Variants in ACOT13 observed in about 807,000 individuals in gnomAD.
The protein encoded by ACOT13 is acyl-CoA thioesterase 13.
Under a neutral mutation model 11.8 loss-of-function variants are expected in ACOT13, and 10 were observed. That is an observed-to-expected ratio of 0.85 (90% CI 0.53 to 1.44). ACOT13 has a LOEUF of 1.44. Ranked by LOEUF, ACOT13 falls within the 40% of genes most tolerant of loss-of-function variation. The probability of loss-of-function intolerance (pLI) is 0.00; values close to 1 mark genes in which losing one functional copy is unlikely to be tolerated. For missense variants in ACOT13, 172 were observed against 174.1 expected (o/e 0.99, Z 0.07); for synonymous variants, 53 against 61.0 (o/e 0.87, Z 0.61).
intron 1 of ACOT13, among the ~76,000 whole-genome samples, chr6:24,679,280 A>T (rs1778508446): frequency 6.6e-6 from 1 of 152,054 alleles, no homozygotes; most frequent in African/African-American, 2.4e-5. Flanking sequence ...TCTGTATTAT[A>T]AAAAACCGAG....
chr6:24,670,312 G>T (rs1778339418), intron 1 of ACOT13, among the ~76,000 whole-genome samples: 1 of 152,192 alleles, frequency 6.6e-6, no homozygotes, highest in African/African-American at 2.4e-5. Context: ...GCTCAGCCAT[G>T]GATTTGTACC....
In ACOT13 at chr6:24,697,866, C is replaced by CT. The variant is rs753401228; in HGVS notation, c.82-9dup. 273 of 1,568,398 alleles carry CT rather than the reference C, an allele frequency of 1.7e-4. 2 individuals are homozygous for CT. In the South Asian group the frequency reaches 1.8e-3, roughly 10 times the overall value. ...TTCTACAGAATTAATGTTCAGGATT[C>CT]TTTTTTTTACACTTAGATTACTCTT... On this transcript the variant is annotated splice_polypyrimidine_tract_variant and intron_variant, in intron 1 of 2. Coordinates refer to ENST00000230048, the MANE Select transcript of ACOT13 (RefSeq NM_018473.4).
At position 24,697,868 on chromosome 6, in the gene ACOT13, T is replaced by C. The variant is rs767492012; in HGVS notation, c.82-15T>C. 2 of 1,578,048 alleles carry C rather than the reference T, an allele frequency of 1.3e-6. No homozygotes were observed. The highest frequency in any genetic ancestry group is 1.7e-6 in the Non-Finnish European group (2 of 1,163,834). On this transcript the variant is annotated splice_polypyrimidine_tract_variant and intron_variant, in intron 1 of 2. Transcript: ENST00000230048. ...CTACAGAATTAATGTTCAGGATTCTTTTTTTTACACTTAGATTACTCTTGT... is the reference window on the plus strand; with the variant it reads ...CTACAGAATTAATGTTCAGGATTCTCTTTTTTACACTTAGATTACTCTTGT...
chr6:24,696,361 C>T (rs1187952694), intron 1 of ACOT13, among the ~76,000 whole-genome samples: 1 of 152,164 alleles, frequency 6.6e-6, no homozygotes, highest in East Asian at 1.9e-4. Context: ...CAGTTTCCAT[C>T]ACATCTTGGG....
intron 1 of ACOT13, chr6:24,687,504 G>C: frequency 1.5e-6 from 2 of 1,374,382 alleles, no homozygotes; most frequent in Non-Finnish European, 1.9e-6. Context: ...AAATAAGGAA[G>C]TGGAATTCCA....
intron 1 of ACOT13, among the ~76,000 whole-genome samples, chr6:24,680,501 C>T (rs1330438948): frequency 1.3e-5 from 2 of 152,046 alleles, no homozygotes; most frequent in African/African-American, 4.8e-5. Flanking sequence ...CCTCTAAGGG[C>T]CTAATGCTTA....
rs139151230 is a variant in ACOT13, at chr6:24,683,014, C to T, written c.82-14869C>T. 1.6e-4 allele frequency among the ~76,000 whole-genome samples: 25 copies of T among 152,240 alleles called. No individual in the cohort carries two copies. The South Asian group carries it at 1.9e-3, about 11-fold the overall frequency. On this transcript the variant is annotated intron_variant, in intron 1 of 2. Transcript: ENST00000230048. ...TGGGTGTGAGCTAAGTTGCAAGCCC[C>T]GTGTTTAAAGGTGGATGCGGTCACC... is the stretch of plus-strand genomic sequence containing the variant.
In ACOT13 at chr6:24,704,940, A is replaced by C. The variant is rs1357492935; in HGVS notation, c.*3325A>C. ...CTTTTTCTTTTTTTCTTTTTTTTTC[A>C]AATTCCAACCAGAAGCTAAATACAA... is the stretch of plus-strand genomic sequence containing the variant. On this transcript the variant is annotated 3_prime_UTR_variant, in exon 3 of 3. Transcript: ENST00000230048. The C allele has an allele frequency of 6.6e-6, 1 of 150,888 alleles. No individual in the cohort carries two copies. Among genetic ancestry groups the C allele is most frequent in the African/African-American group, 2.4e-5 (1 of 40,996 alleles). 9.3% of individuals were successfully genotyped at this position (150,888 alleles called of 1,614,324 possible). A position where few individuals can be genotyped will look rare whatever the true frequency, so the allele number is the denominator to read the frequency against.
chr6:24,669,301 G>A (rs1486647825), intron 1 of ACOT13, among the ~76,000 whole-genome samples: 6 of 152,144 alleles, frequency 3.9e-5, no homozygotes, highest in African/African-American at 1.2e-4. Flanking sequence ...CGGAAAGGCG[G>A]GACAACTTGA....
At chr6:24,675,022 G>A (rs1778428439) in intron 1 of ACOT13, among the ~76,000 whole-genome samples, 1 of 151,894 alleles carries the variant, frequency 6.6e-6, no homozygotes, top group African/African-American at 2.4e-5. Context: ...GAGAATGATG[G>A]TTTCCAGCTT....
intron 1 of ACOT13, among the ~76,000 whole-genome samples, chr6:24,687,869 G>A (rs1389304415): frequency 1.3e-5 from 2 of 151,812 alleles, no homozygotes; most frequent in Non-Finnish European, 2.9e-5. Flanking sequence ...GCGCCACCAT[G>A]CCTGGCTAAT....
chr6:24,679,347 G>GT (rs1288223875), intron 1 of ACOT13, among the ~76,000 whole-genome samples: 2 of 152,130 alleles, frequency 1.3e-5, no homozygotes, highest in East Asian at 1.9e-4. Flanking sequence ...GACTTTTGAA[G>GT]TTTTTTTCTA....
At chr6:24,667,774 GAGA>G (rs1349601446) in intron 1 of ACOT13, among the ~76,000 whole-genome samples, 4 of 152,332 alleles carry the variant, frequency 2.6e-5, no homozygotes, top group Non-Finnish European at 4.4e-5. Context: ...TGAACGAAGG[GAGA>G]AGTTGTTCCT....
intron 2 of ACOT13, 31 bp from the exon 3 acceptor site, chr6:24,701,428 C>A: frequency 6.4e-7 from 1 of 1,569,856 alleles, no homozygotes; most frequent in South Asian, 1.2e-5. Context: ...GAAAAATTAT[C>A]TGCTGTTAAC....
At chr6:24,694,952 G>A (rs1314790528) in intron 1 of ACOT13, among the ~76,000 whole-genome samples, 1 of 152,144 alleles carries the variant, frequency 6.6e-6, no homozygotes, top group African/African-American at 2.4e-5. Context: ...TGTCATCCCA[G>A]CCAAAGTTAG....
chr6:24,667,245 G>C lies in ACOT13; in HGVS notation c.-19G>C. On this transcript the variant is annotated 5_prime_UTR_variant, in exon 1 of 3. Transcript: ENST00000230048. Reference sequence around the variant, plus strand: ...AGTTCGTTCTTGCGCAAAGCCCAAAGGCTGGAAAACCGTCCACGATGACCA... The same window carrying C: ...AGTTCGTTCTTGCGCAAAGCCCAAACGCTGGAAAACCGTCCACGATGACCA... The C allele has an allele frequency of 6.2e-7, 1 of 1,613,330 alleles. No homozygotes were observed. Among genetic ancestry groups the C allele is most frequent in the Middle Eastern group, 1.7e-4 (1 of 6,060 alleles).
chr6:24,700,956 A>G (rs1778882218), intron 2 of ACOT13: 1 of 152,190 alleles, frequency 6.6e-6, no homozygotes. Context: ...GTTAAAGACA[A>G]CTTATGATTA....
At chr6:24,694,355 G>A (rs1368515279) in intron 1 of ACOT13, among the ~76,000 whole-genome samples, 1 of 152,178 alleles carries the variant, frequency 6.6e-6, no homozygotes, top group Non-Finnish European at 1.5e-5. Context: ...CAGTCCAGGT[G>A]ATATTTGAGG....
rs371713966 is a variant in ACOT13, at chr6:24,694,057, G to A, written c.82-3826G>A. Reference sequence around the variant, plus strand: ...ATGAAGTGCAAGGAAGAGACAGCACGATATAAGGCCATATATAAAAGGGAC... The same window carrying A: ...ATGAAGTGCAAGGAAGAGACAGCACAATATAAGGCCATATATAAAAGGGAC... On this transcript the variant is annotated intron_variant, in intron 1 of 2. Coordinates refer to ENST00000230048, the MANE Select transcript of ACOT13 (RefSeq NM_018473.4). Among the ~76,000 whole-genome samples, 84 of 152,264 alleles carry A rather than the reference G, an allele frequency of 5.5e-4. No individual in the cohort carries two copies. The South Asian group carries it at 0.013, about 24-fold the overall frequency.
Sources: gnomAD v4.1 joint callset for allele counts (sites outside exome capture counted in the v4.1 genomes callset) on GRCh38, gnomAD v4.1.1 for gene constraint, MANE v1.5 for transcripts, NCBI Gene and HGNC (gene_info 2026-07-23, HGNC 2026-07-21) for gene names.